Variants in SEL1L2 observed in about 807,000 individuals in gnomAD.
SEL1L2 encodes the protein SEL1L2 adaptor subunit of SYVN1 ubiquitin ligase.
SEL1L2 carries 89 observed loss-of-function variants against 98.8 expected under a neutral mutation model. The ratio of observed to expected loss-of-function variants is 0.90; its 90% confidence interval spans 0.76 to 1.07. SEL1L2 has a LOEUF of 1.07. Ranked by LOEUF, SEL1L2 falls within the 50% of genes least tolerant of loss-of-function variation. The pLI is 0.00. For synonymous variants in SEL1L2, 262 were observed against 278.5 expected (o/e 0.94, Z 0.59); for missense variants, 788 against 812.0 (o/e 0.97, Z 0.36).
At chr20:13,879,692 T>C (rs2046605109) in intron 10 of SEL1L2, among the ~76,000 whole-genome samples, 1 of 152,042 alleles carries the variant, frequency 6.6e-6, no homozygotes, top group South Asian at 2.1e-4. Context: ...AAATAGAAAA[T>C]AGAAGCCACT....
chr20:13,901,071 C>CTTTTTTTTTTTTTTTTTTTTTT (rs746353560), intron 5 of SEL1L2, among the ~76,000 whole-genome samples: 2 of 133,302 alleles, frequency 1.5e-5, no homozygotes, highest in Admixed American at 7.6e-5. Context: ...TTCTTTCTTT[C>CTTTTTTTTTTTTTTTTTTTTTT]TTTCTTTTTT....
chr20:13,872,993 C>CTT (rs112463334), intron 12 of SEL1L2, among the ~76,000 whole-genome samples: 3 of 141,168 alleles, frequency 2.1e-5, no homozygotes, highest in Non-Finnish European at 1.6e-5. Context: ...TTTCTTTTTT[C>CTT]TTTTTTTTTT....
At chr20:13,973,128 G>C (rs1053396604) in intron 1 of SEL1L2, among the ~76,000 whole-genome samples, 2 of 152,104 alleles carry the variant, frequency 1.3e-5, no homozygotes, top group African/African-American at 4.8e-5. Flanking sequence ...TGAGCACCCA[G>C]GTTGCTCTTC....
intron 1 of SEL1L2, among the ~76,000 whole-genome samples, chr20:13,974,560 C>A (rs1261592077): frequency 7.3e-6 from 1 of 137,364 alleles, no homozygotes; most frequent in Non-Finnish European, 1.5e-5. Flanking sequence ...CTTACTGCAA[C>A]CTCCGCCTCC....
intron 10 of SEL1L2, among the ~76,000 whole-genome samples, chr20:13,877,989 T>A (rs985704503): frequency 4.6e-5 from 7 of 152,192 alleles, no homozygotes; most frequent in Non-Finnish European, 7.3e-5. Context: ...GTTGGCAGAA[T>A]TGGATACACA....
At chr20:13,895,463 A>AC (rs2148048450) in intron 5 of SEL1L2, among the ~76,000 whole-genome samples, 1 of 151,976 alleles carries the variant, frequency 6.6e-6, no homozygotes, top group Non-Finnish European at 1.5e-5. Context: ...AAAAAAAAAA[A>AC]AAAAGCCAGT....
intron 3 of SEL1L2, among the ~76,000 whole-genome samples, chr20:13,919,833 G>C (rs2048572577): frequency 6.6e-6 from 1 of 151,536 alleles, no homozygotes; most frequent in Non-Finnish European, 1.5e-5. Flanking sequence ...GGCTGAGGCA[G>C]AGAATTGCTT....
At position 13,918,931 on chromosome 20, in the gene SEL1L2, A is replaced by G. The variant is rs530733193; in HGVS notation, c.386+90T>C. ...GCAAATAGGCTTACTCATTATCCCA[A>G]TGAGTTTTAATGATAAACTACATTT... On this transcript the variant is annotated intron_variant, in intron 4 of 19. Coordinates refer to ENST00000284951, the MANE Select transcript of SEL1L2 (RefSeq NM_025229.2). 1.3e-4 allele frequency: 108 copies of G among 823,570 alleles called. 1 individual carries two copies. In the African/African-American group the frequency reaches 1.4e-3, roughly 11 times the overall value. The allele number at this position is 823,570 out of a possible 1,614,324, so 51.0% of individuals were successfully genotyped here.
chr20:13,859,339 C>T lies in SEL1L2; in HGVS notation c.1741G>A (p.Ala581Thr). 1.9e-6 allele frequency: 3 copies of T among 1,614,116 alleles called. No individual in the cohort carries two copies. Among genetic ancestry groups the T allele is most frequent in the Non-Finnish European group, 2.5e-6 (3 of 1,179,998 alleles). Reference sequence around the variant, plus strand: ...TGCGCGTTGTGGTATTTGTTGGCTGCAATGCTGTAGTGTGTGGCTGCTGTT... The same window carrying T: ...TGCGCGTTGTGGTATTTGTTGGCTGTAATGCTGTAGTGTGTGGCTGCTGTT... ...YQTAATHYSI[A>T]ANKYHNAQAM... is the part of the protein sequence containing the mutation. The change falls in exon 18 of 20, where the codon GCA becomes ACA. Residue 581 changes from alanine (A) to threonine (T), a missense_variant. By Grantham distance (58) the Ala-to-Thr change is moderately conservative (BLOSUM62 0). Coordinates refer to ENST00000284951, the MANE Select transcript of SEL1L2 (RefSeq NM_025229.2).
intron 9 of SEL1L2, among the ~76,000 whole-genome samples, chr20:13,885,723 C>T (rs999652361): frequency 6.6e-6 from 1 of 152,128 alleles, no homozygotes; most frequent in Non-Finnish European, 1.5e-5. Flanking sequence ...TCTGGATTGC[C>T]GTAGTTTATT....
intron 5 of SEL1L2, among the ~76,000 whole-genome samples, chr20:13,908,032 C>A (rs575576664): frequency 1.1e-4 from 17 of 150,844 alleles, no homozygotes; most frequent in Non-Finnish European, 2.5e-4. Flanking sequence ...AGTGATCTCC[C>A]GCCTCAGCCT....
chr20:13,889,458 A>G (rs1160290276), intron 5 of SEL1L2, among the ~76,000 whole-genome samples: 1 of 152,098 alleles, frequency 6.6e-6, no homozygotes, highest in East Asian at 1.9e-4. Flanking sequence ...GCCCTTATAT[A>G]CTTTCCTTTC....
chr20:13,896,421 G>C (rs146425147), intron 5 of SEL1L2, among the ~76,000 whole-genome samples: 1,795 of 151,884 alleles, frequency 0.012, 40 homozygotes, highest in African/African-American at 0.041. Context: ...AGTGAGCTGA[G>C]ATCACTCCAT....
Position 13,913,882 on chromosome 20 carries a change from G to A in SEL1L2, c.449C>T (p.Ala150Val). 1 of 1,565,902 alleles carries A rather than the reference G, an allele frequency of 6.4e-7. No homozygotes were observed. Among genetic ancestry groups the A allele is most frequent in the Non-Finnish European group, 8.6e-7 (1 of 1,163,222 alleles). ...AAAATTTCCAAATAGCAAAGCGTCA[G>A]CCATTTTCTCCATAGCTTTCAAGTT... is the stretch of plus-strand genomic sequence containing the variant. ...MGNLKAMEKM[A>V]DALLFGNFGV... The change falls in exon 5 of 20, where the codon GCT becomes GTT. Residue 150 changes from alanine to valine, a missense_variant. By Grantham distance (64) the Ala-to-Val change is moderately conservative (BLOSUM62 0). Transcript: ENST00000284951.
chr20:13,908,566 G>C (rs1393897522), intron 5 of SEL1L2, among the ~76,000 whole-genome samples: 1 of 152,084 alleles, frequency 6.6e-6, no homozygotes, highest in African/African-American at 2.4e-5. Flanking sequence ...GATGAGAAAT[G>C]AGAAATAGAA....
At chr20:13,912,549 G>A (rs1393746018) in intron 5 of SEL1L2, among the ~76,000 whole-genome samples, 2 of 151,958 alleles carry the variant, frequency 1.3e-5, no homozygotes, top group Non-Finnish European at 2.9e-5. Context: ...CGCCCACCTT[G>A]GCCTCCCAAA....
In SEL1L2 at chr20:13,863,254, T is replaced by C. The variant is rs966708488; in HGVS notation, c.1645+1913A>G. Among the ~76,000 whole-genome samples, 173 of 152,324 alleles carry C rather than the reference T, an allele frequency of 1.1e-3. 4 individuals carry two copies. Among genetic ancestry groups the C allele is most frequent in the Admixed American group, 0.011 (172 of 15,300 alleles). Reference sequence around the variant, plus strand: ...TAACCACAAAGAGATAGGACAATTCTGTGCATTGTCAAGTTGTACAGGCAG... The same window carrying C: ...TAACCACAAAGAGATAGGACAATTCCGTGCATTGTCAAGTTGTACAGGCAG... On this transcript the variant is annotated intron_variant, in intron 17 of 19. Transcript: ENST00000284951.
intron 3 of SEL1L2, among the ~76,000 whole-genome samples, chr20:13,928,938 C>T (rs1466733513): frequency 6.6e-6 from 1 of 152,116 alleles, no homozygotes; most frequent in Non-Finnish European, 1.5e-5. Flanking sequence ...TGGCTATCAT[C>T]CTCAGTTATC....
chr20:13,956,080 GT>G lies in SEL1L2; in HGVS notation c.109del (p.Thr37HisfsTer5), dbSNP rs1012377086. The G allele has an allele frequency of 1.9e-6, 3 of 1,556,688 alleles. No homozygotes were observed. Among genetic ancestry groups the G allele is most frequent in the Non-Finnish European group, 2.6e-6 (3 of 1,140,412 alleles). On this transcript the variant is annotated frameshift_variant, in exon 2 of 20. Transcript: ENST00000284951. LOFTEE classifies it high-confidence loss of function. ...AAGATTTAGCAAAATATTTACCTGT[GT>G]GGTGACATTTCTTTCCTTTTGTCTT... ...NKRQKERNVT[T>X]QVSVNEIKQY...
Sources: allele counts gnomAD v4.1 joint callset (sites outside exome capture counted in the v4.1 genomes callset), GRCh38; gene constraint gnomAD v4.1.1; transcripts MANE v1.5; gene names NCBI Gene and HGNC (gene_info 2026-07-23, HGNC 2026-07-21).